Variants in ATP8A2 observed in about 807,000 individuals in gnomAD.
ATP8A2 encodes phospholipid-transporting ATPase IB.
Under a neutral mutation model 165.6 loss-of-function variants are expected in ATP8A2, and 100 were observed. The observed-to-expected ratio is 0.60, with a 90% CI of 0.51 to 0.71. ATP8A2 has a LOEUF of 0.71. ATP8A2 is among the 30% of genes least tolerant of loss of function. ATP8A2 has a pLI of 0.00. For synonymous variants in ATP8A2, 543 were observed against 548.8 expected (o/e 0.99, Z 0.15); for missense variants, 1,227 against 1,479.5 (o/e 0.83, Z 2.80).
intron 33 of ATP8A2, among the ~76,000 whole-genome samples, chr13:25,875,399 A>G (rs1405280959): frequency 1.3e-5 from 2 of 151,820 alleles, no homozygotes; most frequent in Non-Finnish European, 2.9e-5. Flanking sequence ...AAATATTTAA[A>G]TGAAGGAATT....
intron 27 of ATP8A2, among the ~76,000 whole-genome samples, chr13:25,793,405 C>T (rs2045232636): frequency 6.6e-6 from 1 of 152,150 alleles, no homozygotes; most frequent in Non-Finnish European, 1.5e-5. Context: ...CCAGCCATTT[C>T]TACATGACAT....
chr13:25,697,726 C>T (rs1470539780), intron 24 of ATP8A2, among the ~76,000 whole-genome samples: 1 of 152,144 alleles, frequency 6.6e-6, no homozygotes, highest in Non-Finnish European at 1.5e-5. Flanking sequence ...AAGTTTTTAG[C>T]TCCTTTTTAC....
At chr13:25,455,920 T>C (rs942091699) in intron 1 of ATP8A2, among the ~76,000 whole-genome samples, 1 of 152,230 alleles carries the variant, frequency 6.6e-6, no homozygotes. Flanking sequence ...TTTTCCATTC[T>C]CTACTCCTTG....
At chr13:25,628,000 C>T (rs140878200) in intron 24 of ATP8A2, among the ~76,000 whole-genome samples, 1 of 152,276 alleles carries the variant, frequency 6.6e-6, no homozygotes, top group Non-Finnish European at 1.5e-5. Flanking sequence ...CATAAAGAAG[C>T]CATGATCACA....
chr13:25,831,135 T>C (rs1951454688), intron 28 of ATP8A2, among the ~76,000 whole-genome samples: 1 of 152,144 alleles, frequency 6.6e-6, no homozygotes, highest in African/African-American at 2.4e-5. Context: ...ATTTCTCTCC[T>C]GCTTTTTCTT....
intron 33 of ATP8A2, among the ~76,000 whole-genome samples, chr13:25,952,241 T>C (rs1447655287): frequency 6.6e-6 from 1 of 152,192 alleles, no homozygotes; most frequent in African/African-American, 2.4e-5. Flanking sequence ...GCTCTAGGCA[T>C]TTCGTACAGG....
At chr13:25,811,036 GC>G (rs1254227493) in intron 27 of ATP8A2, among the ~76,000 whole-genome samples, 1 of 145,872 alleles carries the variant, frequency 6.9e-6, no homozygotes, top group East Asian at 2.0e-4. Context: ...ACAGAATTAT[GC>G]ACAATTTTTG....
intron 35 of ATP8A2, among the ~76,000 whole-genome samples, chr13:25,974,117 C>T (rs555435163): frequency 6.6e-6 from 1 of 152,310 alleles, no homozygotes; most frequent in Non-Finnish European, 1.5e-5. Flanking sequence ...GACAGATGAC[C>T]TGAGCTGGGC....
intron 1 of ATP8A2, among the ~76,000 whole-genome samples, chr13:25,417,301 T>A (rs2034159725): frequency 6.6e-6 from 1 of 152,166 alleles, no homozygotes; most frequent in South Asian, 2.1e-4. Flanking sequence ...GGATCCTAAC[T>A]ACCCAGGAAT....
At chr13:25,427,623 C>G (rs2034487807) in intron 1 of ATP8A2, among the ~76,000 whole-genome samples, 1 of 152,084 alleles carries the variant, frequency 6.6e-6, no homozygotes, top group Non-Finnish European at 1.5e-5. Flanking sequence ...TGGCTGAGCA[C>G]AGTGGCTCAT....
chr13:25,545,412 C>T (rs1292876894), intron 10 of ATP8A2, among the ~76,000 whole-genome samples: 1 of 152,000 alleles, frequency 6.6e-6, no homozygotes, highest in Non-Finnish European at 1.5e-5. Context: ...TAGTTTAGTG[C>T]TGTAGCCATG....
At chr13:25,593,210 A>G (rs1241603281) in intron 24 of ATP8A2, among the ~76,000 whole-genome samples, 29 of 152,164 alleles carry the variant, frequency 1.9e-4, no homozygotes, top group Admixed American at 1.9e-3. Context: ...TTTAAGTCTC[A>G]GGGCTCCAAT....
chr13:25,751,064 T>G (rs2044144629), intron 25 of ATP8A2, among the ~76,000 whole-genome samples: 2 of 152,222 alleles, frequency 1.3e-5, no homozygotes, highest in Non-Finnish European at 2.9e-5. Context: ...TGATAAAATT[T>G]AGCTTACTGT....
intron 24 of ATP8A2, among the ~76,000 whole-genome samples, chr13:25,610,903 A>G (rs1446585900): frequency 4.5e-5 from 4 of 89,498 alleles, no homozygotes; most frequent in Non-Finnish European, 8.4e-5. Context: ...TTTTTTTTGC[A>G]GCTATTGTAG....
intron 24 of ATP8A2, among the ~76,000 whole-genome samples, chr13:25,645,633 A>AAT (rs1409580718): frequency 6.6e-6 from 1 of 151,862 alleles, no homozygotes; most frequent in Non-Finnish European, 1.5e-5. Flanking sequence ...TGTTTGTTTC[A>AAT]ATATATTTTT....
rs561754031 is a variant in ATP8A2 at position 25,799,360 on chromosome 13, C to T, written c.2679+24401C>T. On this transcript the variant is annotated intron_variant, in intron 27 of 36. Coordinates refer to ENST00000381655, the MANE Select transcript of ATP8A2 (RefSeq NM_016529.6). ...CACCTCCTGCCTTTAAGAAACAGAA[C>T]GAAGGTCACAGTGATCTTCTTGTGC... Among the ~76,000 whole-genome samples the T allele has an allele frequency of 1.4e-4, 21 of 152,256 alleles. No homozygotes were observed. The South Asian group carries it at 3.9e-3, about 29-fold the overall frequency.
chr13:25,633,997 C>G (rs970505948), intron 24 of ATP8A2, among the ~76,000 whole-genome samples: 1 of 151,160 alleles, frequency 6.6e-6, no homozygotes. Flanking sequence ...AAAGATCATA[C>G]GGAAATCCGA....
At chr13:25,553,584 C>G (rs936629267) in intron 11 of ATP8A2, among the ~76,000 whole-genome samples, 1 of 152,142 alleles carries the variant, frequency 6.6e-6, no homozygotes, top group African/African-American at 2.4e-5. Context: ...TGTTGGTTCC[C>G]GCTACGTCCT....
At chr13:25,573,709 G>T (rs987544310) in intron 18 of ATP8A2, among the ~76,000 whole-genome samples, 3 of 152,148 alleles carry the variant, frequency 2.0e-5, no homozygotes, top group Non-Finnish European at 4.4e-5. Flanking sequence ...CCTGGTGCTG[G>T]GTGGTGGTAG....
Sources: allele counts gnomAD v4.1 joint callset (sites outside exome capture counted in the v4.1 genomes callset), GRCh38; gene constraint gnomAD v4.1.1; transcripts MANE v1.5; gene names NCBI Gene and HGNC (gene_info 2026-07-23, HGNC 2026-07-21).